MND1: variants seen among roughly 807,000 people sequenced by gnomAD.
MND1 encodes the protein meiotic nuclear divisions 1.
Under a neutral mutation model 35.1 loss-of-function variants are expected in MND1, and 28 were observed. The ratio of observed to expected loss-of-function variants is 0.80; its 90% confidence interval spans 0.59 to 1.09. The LOEUF (loss-of-function observed/expected upper bound fraction) is 1.09. Among genes scored for constraint, MND1 ranks in the 50% least tolerant of loss-of-function variants. MND1 has a pLI of 0.00. For synonymous variants in MND1, 69 were observed against 70.5 expected (o/e 0.98, Z 0.11); for missense variants, 213 against 239.6 (o/e 0.89, Z 0.73).
chr4:153,400,277 G>A (rs1328656497), intron 6 of MND1, among the ~76,000 whole-genome samples: 2 of 152,070 alleles, frequency 1.3e-5, no homozygotes, highest in African/African-American at 2.4e-5. Context: ...ATGTAAAGAT[G>A]GATCCTGGAG....
chr4:153,391,719 C>G (rs1239863241), intron 4 of MND1, among the ~76,000 whole-genome samples: 2 of 148,700 alleles, frequency 1.3e-5, no homozygotes, highest in Admixed American at 6.7e-5. Flanking sequence ...AAGAGTGAAA[C>G]TCCATCATAC....
At chr4:153,384,285 T>TTA (rs1728788217) in intron 4 of MND1, among the ~76,000 whole-genome samples, 2 of 124,480 alleles carry the variant, frequency 1.6e-5, no homozygotes, top group Non-Finnish European at 3.3e-5. Context: ...TTTTTTTTTT[T>TTA]AAAGAGCCAG....
chr4:153,368,155 A>G (rs1012964978), intron 4 of MND1, among the ~76,000 whole-genome samples: 2 of 151,960 alleles, frequency 1.3e-5, no homozygotes, highest in Non-Finnish European at 2.9e-5. Context: ...GCCTTACTGA[A>G]CTTCCCTGTC....
intron 4 of MND1, among the ~76,000 whole-genome samples, chr4:153,377,210 C>T (rs1380890432): frequency 6.6e-6 from 1 of 152,072 alleles, no homozygotes; most frequent in Non-Finnish European, 1.5e-5. Flanking sequence ...TTTTGAAATC[C>T]ATACTAAGCT....
chr4:153,346,430 C>T (rs1467196420), intron 1 of MND1, among the ~76,000 whole-genome samples: 1 of 152,126 alleles, frequency 6.6e-6, no homozygotes, highest in African/African-American at 2.4e-5. Flanking sequence ...TCCTGACTTA[C>T]TAATTTGAAT....
chr4:153,393,079 A>C (rs1729090289), intron 4 of MND1, among the ~76,000 whole-genome samples: 1 of 152,192 alleles, frequency 6.6e-6, no homozygotes. Context: ...TGATCGTGAC[A>C]CTGCACTCCA....
chr4:153,411,270 A>G (rs966674577), intron 7 of MND1, among the ~76,000 whole-genome samples: 1 of 152,200 alleles, frequency 6.6e-6, no homozygotes, highest in Non-Finnish European at 1.5e-5. Context: ...ACCTAGATTC[A>G]TTGCAAATGA....
rs535113148 is a variant in MND1 at position 153,352,251 on chromosome 4, G to A, written c.69+2122G>A. Among the ~76,000 whole-genome samples, 5 of 152,198 alleles carry A rather than the reference G, an allele frequency of 3.3e-5. No individual in the cohort carries two copies. The South Asian group carries it at 8.3e-4, about 25-fold the overall frequency. ...GATAATTTAATATAAATATGTAAAT[G>A]GAGAAAAAGAGACATAGACATGATC... On this transcript the variant is annotated intron_variant, in intron 2 of 7. Coordinates refer to ENST00000240488, the MANE Select transcript of MND1 (RefSeq NM_032117.4).
intron 4 of MND1, among the ~76,000 whole-genome samples, chr4:153,387,338 C>G (rs1728897397): frequency 6.6e-6 from 1 of 151,984 alleles, no homozygotes; most frequent in South Asian, 2.1e-4. Flanking sequence ...GAACATTTCT[C>G]TATTGCTGAG....
intron 4 of MND1, among the ~76,000 whole-genome samples, chr4:153,365,062 A>G (rs962582492): frequency 3.3e-5 from 5 of 150,836 alleles, no homozygotes; most frequent in Non-Finnish European, 7.4e-5. Flanking sequence ...TTCCACTGGC[A>G]CTCCTGTCCC....
chr4:153,353,874 A>G (rs1773279370), intron 2 of MND1, among the ~76,000 whole-genome samples: 2 of 151,940 alleles, frequency 1.3e-5, no homozygotes, highest in African/African-American at 4.8e-5. Context: ...TGCCCACCAT[A>G]ACGTCCAGCT....
At chr4:153,357,928 A>G (rs928767234) in intron 3 of MND1, among the ~76,000 whole-genome samples, 2 of 152,202 alleles carry the variant, frequency 1.3e-5, no homozygotes, top group Non-Finnish European at 2.9e-5. Context: ...AAGATACCAT[A>G]TAGCAACAGA....
intron 4 of MND1, among the ~76,000 whole-genome samples, chr4:153,367,537 T>C (rs911738473): frequency 1.3e-5 from 2 of 152,234 alleles, no homozygotes; most frequent in African/African-American, 4.8e-5. Flanking sequence ...ATATACCACA[T>C]CTAATTTATC....
chr4:153,414,404 C>T (rs541892640), intron 7 of MND1, among the ~76,000 whole-genome samples: 1 of 152,118 alleles, frequency 6.6e-6, no homozygotes, highest in African/African-American at 2.4e-5. Context: ...GCCTCAGCCT[C>T]CCGAGTAGCT....
intron 4 of MND1, among the ~76,000 whole-genome samples, chr4:153,374,045 T>C (rs1241552739): frequency 6.6e-6 from 1 of 152,146 alleles, no homozygotes; most frequent in East Asian, 1.9e-4. Context: ...AGCTGTACAA[T>C]ATTAGAAAAA....
At chr4:153,414,661 G>C (rs926646150) in intron 7 of MND1, 90 bp from the exon 8 acceptor site, 1 of 534,992 alleles carries the variant, frequency 1.9e-6, no homozygotes, top group African/African-American at 2.0e-5. Flanking sequence ...AAAGTTAATA[G>C]AAGGAAGTAA....
intron 2 of MND1, among the ~76,000 whole-genome samples, chr4:153,351,003 T>G (rs1773204940): frequency 6.7e-6 from 1 of 149,154 alleles, no homozygotes; most frequent in Non-Finnish European, 1.5e-5. Flanking sequence ...CCACTAAGTA[T>G]AATCTTATTG....
At chr4:153,381,057 A>G (rs1310344549) in intron 4 of MND1, among the ~76,000 whole-genome samples, 1 of 151,680 alleles carries the variant, frequency 6.6e-6, no homozygotes, top group Non-Finnish European at 1.5e-5. Flanking sequence ...CTGCCACCAC[A>G]CCCGGCTAAT....
At chr4:153,352,930 C>G (rs1161128330) in intron 2 of MND1, among the ~76,000 whole-genome samples, 3 of 152,070 alleles carry the variant, frequency 2.0e-5, no homozygotes, top group Non-Finnish European at 4.4e-5. Flanking sequence ...AATGACCGCA[C>G]TTGAGTTCTG....
Sources: gnomAD v4.1 joint callset for allele counts (sites outside exome capture counted in the v4.1 genomes callset) on GRCh38, gnomAD v4.1.1 for gene constraint, MANE v1.5 for transcripts, NCBI Gene and HGNC (gene_info 2026-07-23, HGNC 2026-07-21) for gene names.